MIAT: variants seen among roughly 807,000 people sequenced by gnomAD.
MIAT encodes myocardial infarction associated transcript.
Position 26,650,779 on chromosome 22 carries a change from G to T in MIAT, n.646+3468G>T, listed in dbSNP as rs115118353. On this transcript the variant is annotated intron_variant and non_coding_transcript_variant, in intron 2 of 5. Coordinates refer to ENST00000643270, the Ensembl canonical transcript of MIAT. ...GAGGGGTGGTACATCCCTTCCTAGG[G>T]GAAAAAAGGATTCAGGATGATGCAG... Among the ~76,000 whole-genome samples the T allele has an allele frequency of 3.0e-3, 460 of 152,176 alleles. 2 individuals are homozygous for T. Among genetic ancestry groups the T allele is most frequent in the African/African-American group, 9.3e-3 (386 of 41,528 alleles).
At position 26,647,401 on chromosome 22, in the gene MIAT, G is replaced by C. The variant is rs968424442; in HGVS notation, n.646+90G>C. The C allele has an allele frequency of 8.3e-6, 3 of 363,540 alleles. 1 individual carries two copies. The highest frequency in any genetic ancestry group is 4.7e-5 in the Admixed American group (1 of 21,432). The allele number at this position is 363,540 out of a possible 1,614,324, so 22.5% of individuals were successfully genotyped here. A position where few individuals can be genotyped will look rare whatever the true frequency, so the allele number is the denominator to read the frequency against. On this transcript the variant is annotated intron_variant and non_coding_transcript_variant, in intron 2 of 5. Coordinates refer to ENST00000643270, the Ensembl canonical transcript of MIAT. Reference sequence around the variant, plus strand: ...AGAGAGAGAGAGAGAGAGAGAGAGAGAGAGAGAGAGAGAGAGAGAGAGAGA... The same window carrying C: ...AGAGAGAGAGAGAGAGAGAGAGAGACAGAGAGAGAGAGAGAGAGAGAGAGA...
exon 4 of MIAT, chr22:26,666,766 T>G: frequency 2.5e-6 from 1 of 398,754 alleles, no homozygotes; most frequent in Non-Finnish European, 4.4e-6. Context: ...TGGTCCTTCT[T>G]TCTTCAGCAG....
At chr22:26,650,643 T>C (rs1930320911) in intron 2 of MIAT, 1 of 152,272 alleles carries the variant, frequency 6.6e-6, no homozygotes, top group Admixed American at 6.5e-5. Context: ...AGATAAGATT[T>C]TGGAGACCAC....
chr22:26,675,643 G>T (rs1300925561), exon 5 of MIAT: 6 of 398,554 alleles, frequency 1.5e-5, no homozygotes, highest in African/African-American at 2.1e-5. Flanking sequence ...GAAAATAAAG[G>T]CTCGGAAGGG....
At chr22:26,670,042 C>T (rs901063499), downstream of MIAT, 7 of 390,242 alleles carry the variant, frequency 1.8e-5, no homozygotes, top group Non-Finnish European at 2.7e-5. Flanking sequence ...GGAGTATAGA[C>T]TTAGGGTTTA....
chr22:26,667,831 A>G (rs1489578427), intron 5 of MIAT: 4 of 187,338 alleles, frequency 2.1e-5, no homozygotes, highest in Non-Finnish European at 4.3e-5. Flanking sequence ...GGTGCATGCT[A>G]CCATGCCTGG....
chr22:26,652,259 A>G (rs1930349199), intron 2 of MIAT, among the ~76,000 whole-genome samples: 1 of 151,974 alleles, frequency 6.6e-6, no homozygotes, highest in South Asian at 2.1e-4. Context: ...CGATCTTCCC[A>G]CCTCAACCTG....
chr22:26,666,332 G>A lies in MIAT; in HGVS notation n.1531G>A, dbSNP rs62224896. 46,260 of 398,502 alleles carry A rather than the reference G, an allele frequency of 0.12. 2,918 individuals carry two copies. The highest frequency in any genetic ancestry group is 0.13 in the Non-Finnish European group (30,022 of 226,036). 24.7% of individuals were successfully genotyped at this position (398,502 alleles called of 1,614,324 possible). ...GTCCTAGTCCAGCCTCTGGCTCCCC[G>A]AATTTCCTCTGGTGCATGGGGCATC... On this transcript the variant is annotated non_coding_transcript_exon_variant, in exon 4 of 6. Coordinates refer to ENST00000643270, the Ensembl canonical transcript of MIAT.
chr22:26,673,386 C>G (rs942298530), downstream of MIAT: 1 of 398,910 alleles, frequency 2.5e-6, no homozygotes, highest in Non-Finnish European at 4.4e-6. Context: ...CCAGCTAATC[C>G]CTGCCTCACC....
intron 2 of MIAT, among the ~76,000 whole-genome samples, chr22:26,661,976 AT>A: frequency 9.0e-6 from 1 of 111,148 alleles, no homozygotes; most frequent in Non-Finnish European, 2.1e-5. Context: ...ACACACACAT[AT>A]ACATGGATCT....
At chr22:26,667,440 G>A in intron 5 of MIAT, 1 of 395,104 alleles carries the variant, frequency 2.5e-6, no homozygotes, top group Non-Finnish European at 4.5e-6. Flanking sequence ...GCGCGTGTGT[G>A]TGTATGTTGG....
At chr22:26,668,323 T>C in exon 6 of MIAT, 2 of 398,680 alleles carry the variant, frequency 5.0e-6, no homozygotes, top group East Asian at 7.1e-5. Flanking sequence ...CCTGTTGGGA[T>C]GGAGCCTCCC....
chr22:26,646,845 T>A (rs1930242986), exon 1 of MIAT: 2 of 398,484 alleles, frequency 5.0e-6, no homozygotes, highest in Non-Finnish European at 8.8e-6. Context: ...GGCCTCTGTG[T>A]CTGCAGAGAG....
chr22:26,672,323 C>T (rs1931079604), downstream of MIAT: 1 of 399,074 alleles, frequency 2.5e-6, no homozygotes, highest in Admixed American at 4.4e-5. Context: ...ACAGATGTCC[C>T]ACTTTGCTGC....
chr22:26,665,232 T>G (rs1277755919), intron 3 of MIAT, among the ~76,000 whole-genome samples: 1 of 109,338 alleles, frequency 9.1e-6, no homozygotes, highest in Non-Finnish European at 2.1e-5. Context: ...CAGAGTGAGA[T>G]CCTGTCTCCA....
intron 2 of MIAT, among the ~76,000 whole-genome samples, chr22:26,655,356 G>A (rs1930407875): frequency 6.6e-6 from 1 of 152,192 alleles, no homozygotes; most frequent in African/African-American, 2.4e-5. Flanking sequence ...AAAAGGACAG[G>A]CTTAAATCTA....
chr22:26,671,528 C>T (rs557336173), downstream of MIAT: 5 of 398,714 alleles, frequency 1.3e-5, no homozygotes, highest in East Asian at 1.1e-4. Flanking sequence ...TAACCACCCC[C>T]CCGCAGCCAG....
At chr22:26,670,734 G>A (rs956051375), downstream of MIAT, 3 of 398,270 alleles carry the variant, frequency 7.5e-6, no homozygotes, top group Admixed American at 1.3e-4. Flanking sequence ...GGCATAGGAT[G>A]AAGTGTTCCT....
downstream of MIAT, chr22:26,670,483 C>G (rs1285307945): frequency 1.5e-5 from 6 of 397,640 alleles, no homozygotes; most frequent in African/African-American, 2.1e-5. Flanking sequence ...CAGTCTGGAA[C>G]AGCTTCCTAG....
Sources: allele counts gnomAD v4.1 joint callset (sites outside exome capture counted in the v4.1 genomes callset), GRCh38; gene constraint gnomAD v4.1.1; transcripts MANE v1.5; gene names NCBI Gene and HGNC (gene_info 2026-07-23, HGNC 2026-07-21).